The following JAZF1 variants were observed in gnomAD, a reference collection of about 807,000 sequenced individuals.
JAZF1 encodes the protein juxtaposed with another zinc finger protein 1.
Under a neutral mutation model 26.4 loss-of-function variants are expected in JAZF1, and 8 were observed. The ratio of observed to expected loss-of-function variants is 0.30; its 90% CI spans 0.18 to 0.55. The LOEUF is 0.55. JAZF1 is among the 20% of genes least tolerant of loss of function. The pLI, the probability that JAZF1 is intolerant of heterozygous loss-of-function variation, is 0.94. For missense variants in JAZF1, 199 were observed against 322.0 expected (o/e 0.62, Z 2.92); for synonymous variants, 126 against 122.3 (o/e 1.03, Z -0.20).
At chr7:27,936,518 TTA>T (rs1167522782) in intron 2 of JAZF1, among the ~76,000 whole-genome samples, 9 of 152,238 alleles carry the variant, frequency 5.9e-5, no homozygotes, top group African/African-American at 1.9e-4. Flanking sequence ...CAATAATCTT[TTA>T]TTTTTTATTT....
At chr7:27,902,880 G>C (rs1221893160) in intron 2 of JAZF1, among the ~76,000 whole-genome samples, 1 of 152,104 alleles carries the variant, frequency 6.6e-6, no homozygotes, top group Non-Finnish European at 1.5e-5. Flanking sequence ...GCCAGGCATG[G>C]CAGCATGTGC....
At chr7:27,880,648 G>T (rs919599855) in intron 3 of JAZF1, among the ~76,000 whole-genome samples, 2 of 152,036 alleles carry the variant, frequency 1.3e-5, no homozygotes, top group African/African-American at 4.8e-5. Flanking sequence ...GGTGGGGAAA[G>T]GTTAACTAGA....
chr7:28,030,184 T>A (rs1188143810), intron 1 of JAZF1, among the ~76,000 whole-genome samples: 2 of 152,134 alleles, frequency 1.3e-5, no homozygotes, highest in Non-Finnish European at 2.9e-5. Context: ...AAAAGGAGTG[T>A]TCAGTTTAAA....
chr7:27,959,617 C>T (rs1785156903), intron 2 of JAZF1, among the ~76,000 whole-genome samples: 1 of 152,116 alleles, frequency 6.6e-6, no homozygotes, highest in Admixed American at 6.5e-5. Context: ...ACTGAATTAA[C>T]AGCTGGGCAC....
chr7:28,023,740 C>A (rs1388476511), intron 1 of JAZF1, among the ~76,000 whole-genome samples: 1 of 152,186 alleles, frequency 6.6e-6, no homozygotes, highest in East Asian at 1.9e-4. Flanking sequence ...TTCCTGCCCT[C>A]ATGGAGTGGA....
At chr7:27,930,202 A>G (rs758617491) in intron 2 of JAZF1, among the ~76,000 whole-genome samples, 53 of 152,152 alleles carry the variant, frequency 3.5e-4, no homozygotes, top group Admixed American at 5.9e-4. Context: ...TCACTGTGTT[A>G]GCCAGGATGG....
rs1635852 is a variant in JAZF1 at position 28,149,792 on chromosome 7, T to C, written c.115+30671A>G. Among the ~76,000 whole-genome samples the C allele has an allele frequency of 0.42, 63,246 of 152,036 alleles. 14,052 individuals are homozygous for C. Among genetic ancestry groups the C allele is most frequent in the Non-Finnish European group, 0.5 (34,259 of 67,958 alleles). ...AATGGGCTAAATAATTACTGATTAA[T>C]TCACTTAGCAGTCACCTCATTTTCT... is the stretch of plus-strand genomic sequence containing the variant. On this transcript the variant is annotated intron_variant, in intron 1 of 4. Coordinates refer to ENST00000283928, the MANE Select transcript of JAZF1 (RefSeq NM_175061.4).
chr7:27,869,420 G>T (rs1157394479), intron 3 of JAZF1, among the ~76,000 whole-genome samples: 1 of 152,170 alleles, frequency 6.6e-6, no homozygotes, highest in Non-Finnish European at 1.5e-5. Flanking sequence ...AATAAATGTG[G>T]ACAGACTAGG....
At position 28,180,593 on chromosome 7, in the gene JAZF1, G is replaced by T. The variant is rs777977698; in HGVS notation, c.-16C>A. On this transcript the variant is annotated 5_prime_UTR_variant, in exon 1 of 5. Coordinates refer to ENST00000283928, the MANE Select transcript of JAZF1 (RefSeq NM_175061.4). ...TGCCTGTCATGGTGCTACATCGAGA[G>T]CCCCCCTGGTGTCGGCTCTGCGAGC... 3.3e-6 allele frequency: 5 copies of T among 1,533,324 alleles called. No homozygotes were observed. The African/African-American group carries it at 4.2e-5, about 13-fold the overall frequency. The allele number at this position is 1,533,324 out of a possible 1,614,324, so 95.0% of individuals were successfully genotyped here. A position where few individuals can be genotyped will look rare whatever the true frequency, so the allele number is the denominator to read the frequency against.
Position 28,137,913 on chromosome 7 carries a change from C to G in JAZF1, c.115+42550G>C, listed in dbSNP as rs1027950515. Among the ~76,000 whole-genome samples, 5 of 152,166 alleles carry G rather than the reference C, an allele frequency of 3.3e-5. No homozygotes were observed. The East Asian group carries it at 9.6e-4, about 29-fold the overall frequency. ...TATGGGTAGATACAATTAATTATTA[C>G]CCATTTTCCTGATGGGGAGACTGAG... On this transcript the variant is annotated intron_variant, in intron 1 of 4. Transcript: ENST00000283928.
intron 3 of JAZF1, among the ~76,000 whole-genome samples, chr7:27,858,535 T>G (rs1583434064): frequency 6.6e-6 from 1 of 152,150 alleles, no homozygotes; most frequent in Non-Finnish European, 1.5e-5. Flanking sequence ...AAAACAGATA[T>G]ATAGACCAGT....
At chr7:27,990,226 T>A (rs1334534423) in intron 2 of JAZF1, among the ~76,000 whole-genome samples, 1 of 152,058 alleles carries the variant, frequency 6.6e-6, no homozygotes, top group Non-Finnish European at 1.5e-5. Context: ...TAGGTGGGAA[T>A]TGAACAATGA....
At chr7:28,018,398 C>G (rs1481199853) in intron 1 of JAZF1, among the ~76,000 whole-genome samples, 1 of 152,168 alleles carries the variant, frequency 6.6e-6, no homozygotes, top group African/African-American at 2.4e-5. Context: ...ACAGGACAGT[C>G]TTAGCAGGAG....
At chr7:27,883,484 C>T (rs146314421) in intron 3 of JAZF1, among the ~76,000 whole-genome samples, 121 of 152,276 alleles carry the variant, frequency 7.9e-4, no homozygotes, top group African/African-American at 2.5e-3. Context: ...TTTGCATGAA[C>T]ATTATAAAAA....
chr7:27,848,128 C>T (rs1376474009), intron 3 of JAZF1, among the ~76,000 whole-genome samples: 3 of 152,206 alleles, frequency 2.0e-5, no homozygotes, highest in African/African-American at 7.2e-5. Flanking sequence ...AGGGATTGCA[C>T]TGATTCCATA....
At chr7:27,884,947 G>A (rs570776724) in intron 3 of JAZF1, among the ~76,000 whole-genome samples, 1 of 152,192 alleles carries the variant, frequency 6.6e-6, no homozygotes, top group African/African-American at 2.4e-5. Flanking sequence ...TCTCTCTGCC[G>A]GGCGGAGGGA....
At chr7:27,854,091 T>C (rs1229602050) in intron 3 of JAZF1, among the ~76,000 whole-genome samples, 1 of 152,240 alleles carries the variant, frequency 6.6e-6, no homozygotes, top group Non-Finnish European at 1.5e-5. Flanking sequence ...TAGTTAGCTC[T>C]TCTTGTTGCA....
At chr7:28,048,254 C>A (rs1179118054) in intron 1 of JAZF1, among the ~76,000 whole-genome samples, 1 of 152,134 alleles carries the variant, frequency 6.6e-6, no homozygotes, top group Non-Finnish European at 1.5e-5. Flanking sequence ...TCCCTCTTAC[C>A]CTCAAGTAAG....
intron 2 of JAZF1, among the ~76,000 whole-genome samples, chr7:27,987,557 G>T (rs570713156): frequency 3.7e-3 from 555 of 151,862 alleles, no homozygotes; most frequent in Non-Finnish European, 5.7e-3. Context: ...CGCCCTGTCC[G>T]GGAGGGAGGT....
Sources: allele counts gnomAD v4.1 joint callset (sites outside exome capture counted in the v4.1 genomes callset), GRCh38; gene constraint gnomAD v4.1.1; transcripts MANE v1.5; gene names NCBI Gene and HGNC (gene_info 2026-07-23, HGNC 2026-07-21).